Variants in CUL9 observed in about 807,000 individuals in gnomAD.
The protein encoded by CUL9 is cullin-9.
CUL9 carries 79 observed loss-of-function variants against 272.6 expected under a neutral mutation model. The ratio of observed to expected loss-of-function variants is 0.29; its 90% CI spans 0.24 to 0.35. The LOEUF is 0.35. CUL9 is among the 10% of genes least tolerant of loss of function. CUL9 has a pLI of 1.00. For missense variants in CUL9, 2,532 were observed against 3,255.6 expected, an observed-to-expected ratio of 0.78 and a Z score of 5.41; for synonymous variants, 1,186 against 1,286.5, an observed-to-expected ratio of 0.92 and a Z score of 1.67.
chr6:43,189,672 T>C (rs940523862), intron 8 of CUL9, among the ~76,000 whole-genome samples: 4 of 152,204 alleles, frequency 2.6e-5, no homozygotes, highest in Admixed American at 6.5e-5. Context: ...GCCTCCCAAG[T>C]AGCTGGGATT....
chr6:43,195,961 A>G (rs889910571), intron 9 of CUL9, 108 bp from the exon 10 acceptor site: 26 of 823,266 alleles, frequency 3.2e-5, no homozygotes, highest in African/African-American at 1.9e-4. Flanking sequence ...TACTCTACCT[A>G]TCTGCAAACA....
chr6:43,223,535 C>T lies in CUL9; in HGVS notation c.7284+138C>T, dbSNP rs1220384113. ...GGTGAATGGATGTTAGACCTGGGCGCACATCCCGGCTTTTGGGCCAACCTG... is the reference window on the plus strand; with the variant it reads ...GGTGAATGGATGTTAGACCTGGGCGTACATCCCGGCTTTTGGGCCAACCTG... On this transcript the variant is annotated intron_variant, in intron 39 of 40. Transcript: ENST00000252050. The surrounding 1 kb of genome is among the most constrained non-coding windows in gnomAD (Gnocchi z 4.1). The T allele has an allele frequency of 1.6e-6, 2 of 1,231,030 alleles. No individual in the cohort carries two copies. The highest frequency in any genetic ancestry group is 1.6e-5 in the African/African-American group (1 of 63,634). 76.3% of individuals were successfully genotyped at this position (1,231,030 alleles called of 1,614,324 possible). A position where few individuals can be genotyped will look rare whatever the true frequency, so the allele number is the denominator to read the frequency against.
chr6:43,186,154 T>C lies in CUL9; in HGVS notation c.950T>C (p.Met317Thr), dbSNP rs1562011205. The change falls in exon 4 of 41, where the codon ATG becomes ACG. Residue 317 changes from methionine (M) to threonine (T), a missense_variant. Physicochemically the swap from Met to Thr is moderately conservative, Grantham distance 81. Around this residue, in one of 3 missense-constraint regions of CUL9, gnomAD observed 2,218 missense variants for 2,788.6 expected, o/e 0.80. Transcript: ENST00000252050. ...CTCATCTCTGAGCTTGTGCGGAGCA[T>C]GGGCTGGGCCCGGAACCTCAGCGAA... is the stretch of plus-strand genomic sequence containing the variant. ...GNLISELVRS[M>T]GWARNLSEQG... 4.3e-6 allele frequency: 7 copies of C among 1,614,232 alleles called. No individual in the cohort carries two copies. Among genetic ancestry groups the C allele is most frequent in the Admixed American group, 1.7e-5 (1 of 60,034 alleles).
At position 43,199,829 on chromosome 6, in the gene CUL9, A is replaced by G; in HGVS notation, c.3157-100A>G. 3 of 981,042 alleles carry G rather than the reference A, an allele frequency of 3.1e-6. No homozygotes were observed. Among genetic ancestry groups the G allele is most frequent in the Non-Finnish European group, 4.8e-6 (3 of 631,404 alleles). The allele number at this position is 981,042 out of a possible 1,614,324, so 60.8% of individuals were successfully genotyped here. A position where few individuals can be genotyped will look rare whatever the true frequency, so the allele number is the denominator to read the frequency against. ...TCCCTGGGCGTTGGCATGTCTCCACAATCTCAGCCACGACACTTCCTTTAC... is the reference window on the plus strand; with the variant it reads ...TCCCTGGGCGTTGGCATGTCTCCACGATCTCAGCCACGACACTTCCTTTAC... On this transcript the variant is annotated intron_variant, in intron 13 of 40. Coordinates refer to ENST00000252050, the MANE Select transcript of CUL9 (RefSeq NM_015089.4). The surrounding 1 kb of genome is among the most constrained non-coding windows in gnomAD (Gnocchi z 4.4).
At chr6:43,210,820 CCTT>C (rs762886141) in intron 26 of CUL9, among the ~76,000 whole-genome samples, 1 of 150,292 alleles carries the variant, frequency 6.7e-6, no homozygotes, top group Non-Finnish European at 1.5e-5. Context: ...TTTTGTTTAC[CCTT>C]CTTATATTTA....
chr6:43,209,482 C>G (rs953840375), intron 26 of CUL9, among the ~76,000 whole-genome samples: 6 of 151,748 alleles, frequency 4.0e-5, no homozygotes, highest in African/African-American at 1.5e-4. Flanking sequence ...ATAATGTTTT[C>G]TATGACTTCA....
rs1776618283 is a variant in CUL9, at chr6:43,224,162, G to T, written c.7352G>T (p.Gly2451Val). The change falls in exon 40 of 41, where the codon GGC becomes GTC. Residue 2451 changes from glycine (G) to valine (V), a missense_variant. Coordinates refer to ENST00000252050, the MANE Select transcript of CUL9 (RefSeq NM_015089.4). This position sits in a 1 kb window ranked among gnomAD's most constrained non-coding sequence, Gnocchi z 4.2. Reference protein sequence around the residue: ...AWEAKGPNMPGSQPQASSGPE... With the variant: ...AWEAKGPNMPVSQPQASSGPE... ...GAGGCAAAAGGACCCAACATGCCTGGCAGTCAGTAAGTGGGGTGGGCAGAG... is the reference window on the plus strand; with the variant it reads ...GAGGCAAAAGGACCCAACATGCCTGTCAGTCAGTAAGTGGGGTGGGCAGAG... The T allele has an allele frequency of 6.2e-7, 1 of 1,614,242 alleles. No homozygotes were observed. Among genetic ancestry groups the T allele is most frequent in the Non-Finnish European group, 8.5e-7 (1 of 1,180,022 alleles).
At chr6:43,185,671 G>A (rs16896326) in intron 3 of CUL9, 61 bp downstream of exon 3, 27,455 of 1,550,432 alleles carry the variant, frequency 0.018, 1,062 homozygotes, top group African/African-American at 0.15. Flanking sequence ...TTATGAAAAC[G>A]TGGTTCAGGA....
chr6:43,205,024 A>G lies in CUL9; in HGVS notation c.4541A>G (p.Glu1514Gly). 2 of 1,613,272 alleles carry G rather than the reference A, an allele frequency of 1.2e-6. No individual in the cohort carries two copies. The highest frequency in any genetic ancestry group is 1.7e-6 in the Non-Finnish European group (2 of 1,179,670). ...LYEHLQRAGS[E>G]LFGPRAAFML... ...GAGCACTTGCAGAGAGCAGGCTCCG[A>G]GCTGTTTGGGCCTCGGGCAGCCTTC... Residue 1514 changes from glutamate to glycine, a missense_variant, in exon 23 of 41, where the codon GAG becomes GGG. Physicochemically the swap from Glu to Gly is moderately conservative, Grantham distance 98. Coordinates refer to ENST00000252050, the MANE Select transcript of CUL9 (RefSeq NM_015089.4).
In CUL9 at chr6:43,185,652, A is replaced by G. The variant is rs777265823; in HGVS notation, c.750+42A>G. 7 of 1,581,462 alleles carry G rather than the reference A, an allele frequency of 4.4e-6. No homozygotes were observed. The South Asian group carries it at 5.6e-5, about 13-fold the overall frequency. On this transcript the variant is annotated intron_variant, in intron 3 of 40. Transcript: ENST00000252050. Reference sequence around the variant, plus strand: ...AGGGAAATGCTGTGTACAAGGGCTAAGACATTATTTATGAAAACGTGGTTC... The same window carrying G: ...AGGGAAATGCTGTGTACAAGGGCTAGGACATTATTTATGAAAACGTGGTTC...
In CUL9 at chr6:43,221,330, G is replaced by C. The variant is rs370980176; in HGVS notation, c.6752+9G>C. 3 of 1,599,996 alleles carry C rather than the reference G, an allele frequency of 1.9e-6. No homozygotes were observed. Among genetic ancestry groups the C allele is most frequent in the African/African-American group, 1.3e-5 (1 of 74,188 alleles). On this transcript the variant is annotated intron_variant, in intron 34 of 40. Transcript: ENST00000252050. This position sits in a 1 kb window ranked among gnomAD's most constrained non-coding sequence, Gnocchi z 4.2. ...AACGAGGGGTGCCTGCAGTAAGAAGGGGGGTACTGTGGGGAGCCAGAGGGC... is the reference window on the plus strand; with the variant it reads ...AACGAGGGGTGCCTGCAGTAAGAAGCGGGGTACTGTGGGGAGCCAGAGGGC...
In CUL9 at chr6:43,188,085, A is replaced by C. The variant is rs556157362; in HGVS notation, c.1954A>C (p.Thr652Pro). ...CCAGCTTCTGGTGACTGAGGGGATG[A>C]CCCTGCCCACTGAGATGAAGGAGGC... ...FNQLLVTEGM[T>P]LPTEMKEAAS... The change falls in exon 7 of 41, where the codon ACC becomes CCC. Residue 652 changes from threonine (T) to proline (P), a missense_variant. Physicochemically the swap from Thr to Pro is conservative, Grantham distance 38. This residue lies in a region of CUL9 where 2,218 missense variants were observed against 2,788.6 expected (regional missense o/e 0.80). Transcript: ENST00000252050. 1 of 1,613,776 alleles carries C rather than the reference A, an allele frequency of 6.2e-7. No homozygotes were observed. The highest frequency in any genetic ancestry group is 1.1e-5 in the South Asian group (1 of 91,056).
intron 16 of CUL9, among the ~76,000 whole-genome samples, 171 bp from the exon 17 acceptor site, chr6:43,202,545 C>G (rs369339957): frequency 1.2e-3 from 176 of 152,186 alleles, no homozygotes; most frequent in African/African-American, 3.2e-3. Context: ...TTTTTATTTC[C>G]TTCTTTTGAT....
At chr6:43,183,744 CTCTCTT>C (rs1562007258) in intron 1 of CUL9, among the ~76,000 whole-genome samples, 1 of 151,534 alleles carries the variant, frequency 6.6e-6, no homozygotes, top group Non-Finnish European at 1.5e-5. Flanking sequence ...CTTCCTCTCT[CTCTCTT>C]TCTTTCTTTT....
intron 29 of CUL9, among the ~76,000 whole-genome samples, chr6:43,214,784 T>G (rs1775795138): frequency 1.4e-5 from 2 of 147,310 alleles, no homozygotes; most frequent in South Asian, 2.1e-4. Flanking sequence ...GGCAATAGAG[T>G]GAGACTGTTG....
intron 9 of CUL9, among the ~76,000 whole-genome samples, chr6:43,195,696 C>T (rs752310680): frequency 2.0e-4 from 31 of 151,982 alleles, no homozygotes; most frequent in Non-Finnish European, 3.5e-4. Context: ...TGTAAGAAGC[C>T]CCTGAAGACA....
chr6:43,191,121 A>C (rs1295532804), intron 8 of CUL9, among the ~76,000 whole-genome samples: 1 of 152,096 alleles, frequency 6.6e-6, no homozygotes, highest in African/African-American at 2.4e-5. Flanking sequence ...TATATTTTCC[A>C]AAAATACCCA....
At chr6:43,204,166 C>G (rs1774861653) in intron 20 of CUL9, 179 bp downstream of exon 20, 1 of 1,037,716 alleles carries the variant, frequency 9.6e-7, no homozygotes, top group African/African-American at 1.6e-5. Flanking sequence ...GTATTTGAAT[C>G]TTTCCCACTA....
chr6:43,191,300 T>TGTGCGTG (rs1562020004), intron 8 of CUL9, among the ~76,000 whole-genome samples: 2 of 122,988 alleles, frequency 1.6e-5, no homozygotes, highest in Admixed American at 7.8e-5. Context: ...GTGCGTGTTG[T>TGTGCGTG]TTTTTTTTTT....
Sources: allele counts gnomAD v4.1 joint callset (sites outside exome capture counted in the v4.1 genomes callset), GRCh38; gene constraint gnomAD v4.1.1; regional missense constraint gnomAD v4.1.1; non-coding constraint Gnocchi (gnomAD v3.1); transcripts MANE v1.5; gene names NCBI Gene and HGNC (gene_info 2026-07-23, HGNC 2026-07-21).